Variants in ANTXR2 observed in about 807,000 individuals in gnomAD.
ANTXR2 encodes the protein anthrax toxin receptor 2.
A neutral mutation model predicts 73.7 loss-of-function variants in ANTXR2; 44 were observed. The ratio of observed to expected loss-of-function variants is 0.60; its 90% CI spans 0.47 to 0.77. The LOEUF is 0.77. ANTXR2 is among the 30% of genes least tolerant of loss of function. The probability of loss-of-function intolerance (pLI) is 0.00; values close to 1 mark genes in which losing one functional copy is unlikely to be tolerated. For missense variants in ANTXR2, 604 were observed against 592.5 expected, an observed-to-expected ratio of 1.02 and a Z score of -0.20; for synonymous variants, 217 against 205.9, an observed-to-expected ratio of 1.05 and a Z score of -0.46.
intron 10 of ANTXR2, among the ~76,000 whole-genome samples, chr4:80,019,298 C>T (rs1266145661): frequency 2.6e-5 from 4 of 152,024 alleles, no homozygotes; most frequent in African/African-American, 7.3e-5. Flanking sequence ...ACCTGGGAGG[C>T]GGAGGTTGCA....
intron 3 of ANTXR2, among the ~76,000 whole-genome samples, chr4:80,060,724 G>A (rs1734207664): frequency 6.6e-6 from 1 of 152,100 alleles, no homozygotes; most frequent in South Asian, 2.1e-4. Flanking sequence ...TTTATCATAG[G>A]TATGTATGTA....
chr4:79,919,317 T>A (rs999317002), intron 16 of ANTXR2, among the ~76,000 whole-genome samples: 1 of 152,180 alleles, frequency 6.6e-6, no homozygotes, highest in African/African-American at 2.4e-5. Context: ...AATTCACCAG[T>A]CTTAATTTTA....
intron 7 of ANTXR2, among the ~76,000 whole-genome samples, chr4:80,050,532 CT>C (rs1733724719): frequency 6.6e-6 from 1 of 151,620 alleles, no homozygotes; most frequent in Non-Finnish European, 1.5e-5. Context: ...GCCCTTCTAA[CT>C]TAGGTCATTC....
intron 12 of ANTXR2, among the ~76,000 whole-genome samples, chr4:80,004,195 T>A (rs1731192730): frequency 6.6e-6 from 1 of 151,744 alleles, no homozygotes; most frequent in African/African-American, 2.4e-5. Flanking sequence ...TTATATAACA[T>A]TTTTGAAATA....
At chr4:79,994,806 T>C (rs1730647921) in intron 12 of ANTXR2, among the ~76,000 whole-genome samples, 2 of 152,012 alleles carry the variant, frequency 1.3e-5, no homozygotes, top group South Asian at 4.1e-4. Context: ...GGAGGTCCTT[T>C]ATCTAATATA....
chr4:80,037,564 G>A (rs1733037799), intron 7 of ANTXR2, among the ~76,000 whole-genome samples: 1 of 152,050 alleles, frequency 6.6e-6, no homozygotes, highest in Admixed American at 6.6e-5. Context: ...GATTCCATAG[G>A]CACTCAAAGA....
intron 1 of ANTXR2, 54 bp downstream of exon 1, chr4:80,072,355 G>T: frequency 6.6e-7 from 1 of 1,507,090 alleles, no homozygotes; most frequent in Non-Finnish European, 8.9e-7. Flanking sequence ...CTCAGCCCCA[G>T]CTGATCCAGT....
rs370293519 is a variant in ANTXR2 at position 79,993,744 on chromosome 4, C to CCA, written c.1042-8883_1042-8882dup. On this transcript the variant is annotated intron_variant, in intron 12 of 16. Coordinates refer to ENST00000403729, the MANE Select transcript of ANTXR2 (RefSeq NM_058172.6). Reference sequence around the variant, plus strand: ...CTTGATCCTAGAGTCTGGCAATACACCACACACACACACACGCACACACAC... The same window carrying CCA: ...CTTGATCCTAGAGTCTGGCAATACACCACACACACACACACACGCACACACAC... Among the ~76,000 whole-genome samples the CCA allele has an allele frequency of 3.4e-4, 25 of 73,000 alleles. No homozygotes were observed. In the East Asian group the frequency reaches 5.6e-3, roughly 16 times the overall value. 47.9% of individuals were successfully genotyped at this position (73,000 alleles called of 152,430 possible).
intron 3 of ANTXR2, among the ~76,000 whole-genome samples, chr4:80,067,332 C>T (rs942597994): frequency 6.6e-6 from 1 of 152,300 alleles, no homozygotes; most frequent in Middle Eastern, 3.4e-3. Flanking sequence ...CCCTTCCATG[C>T]GTATCTAAGC....
intron 11 of ANTXR2, among the ~76,000 whole-genome samples, chr4:80,009,905 A>T (rs2110058020): frequency 6.6e-6 from 1 of 151,854 alleles, no homozygotes; most frequent in South Asian, 2.1e-4. Context: ...ATGAACTCTA[A>T]AGAAAAAAAA....
At chr4:79,923,459 C>CTACA (rs780940044) in intron 16 of ANTXR2, among the ~76,000 whole-genome samples, 4 of 151,948 alleles carry the variant, frequency 2.6e-5, no homozygotes, top group Non-Finnish European at 4.4e-5. Context: ...AGTGGCTGAA[C>CTACA]TACAGGATGC....
intron 16 of ANTXR2, among the ~76,000 whole-genome samples, chr4:79,922,910 A>G (rs1727644125): frequency 6.6e-6 from 1 of 152,134 alleles, no homozygotes; most frequent in African/African-American, 2.4e-5. Context: ...AAATCAAATA[A>G]TATAATTAGA....
chr4:79,916,544 T>C (rs1727361289), intron 16 of ANTXR2, among the ~76,000 whole-genome samples: 1 of 151,972 alleles, frequency 6.6e-6, no homozygotes, highest in South Asian at 2.1e-4. Context: ...AAATCAATAG[T>C]AAAAAAATTT....
intron 16 of ANTXR2, among the ~76,000 whole-genome samples, chr4:79,934,194 T>A (rs1244073032): frequency 6.6e-6 from 1 of 152,114 alleles, no homozygotes; most frequent in Non-Finnish European, 1.5e-5. Context: ...TGCTTTTGAA[T>A]AGGATGACAG....
intron 11 of ANTXR2, among the ~76,000 whole-genome samples, chr4:80,018,417 AG>A (rs1731986431): frequency 6.6e-6 from 1 of 152,212 alleles, no homozygotes. Context: ...AAATTAAGAT[AG>A]TATCAAGCTG....
intron 14 of ANTXR2, among the ~76,000 whole-genome samples, chr4:79,983,453 A>C (rs1729972971): frequency 1.3e-5 from 2 of 152,258 alleles, no homozygotes; most frequent in South Asian, 4.1e-4. Context: ...CTTCCTCTAT[A>C]TTTGTGATAA....
chr4:79,917,625 T>C (rs1338224993), intron 16 of ANTXR2, among the ~76,000 whole-genome samples: 4 of 152,180 alleles, frequency 2.6e-5, no homozygotes. Flanking sequence ...AACTCTCTAC[T>C]GAAGGCAAAT....
chr4:79,950,759 G>C (rs4402984), intron 16 of ANTXR2, among the ~76,000 whole-genome samples: 13,869 of 152,138 alleles, frequency 0.091, 727 homozygotes, highest in Middle Eastern at 0.23. Flanking sequence ...CCTCTTCAGT[G>C]TGCATGTCCA....
At chr4:80,034,070 C>T (rs1036172481) in intron 8 of ANTXR2, among the ~76,000 whole-genome samples, 2 of 152,124 alleles carry the variant, frequency 1.3e-5, no homozygotes, top group Non-Finnish European at 2.9e-5. Context: ...TCTTTAACCA[C>T]TTCTTCACCT....
Sources: gnomAD v4.1 joint callset for allele counts (sites outside exome capture counted in the v4.1 genomes callset) on GRCh38, gnomAD v4.1.1 for gene constraint, MANE v1.5 for transcripts, NCBI Gene and HGNC (gene_info 2026-07-23, HGNC 2026-07-21) for gene names.